SOAT1: variants seen among roughly 807,000 people sequenced by gnomAD.
SOAT1 encodes sterol O-acyltransferase 1.
A neutral mutation model predicts 69.5 loss-of-function variants in SOAT1; 55 were observed. The ratio of observed to expected loss-of-function variants is 0.79; its 90% CI spans 0.64 to 0.99. The LOEUF (loss-of-function observed/expected upper bound fraction) is 0.99. Ranked by LOEUF, SOAT1 falls within the 50% of genes least tolerant of loss-of-function variation. The pLI, the probability that SOAT1 is intolerant of heterozygous loss-of-function variation, is 0.00. For missense variants in SOAT1, 580 were observed against 669.3 expected, an observed-to-expected ratio of 0.87 and a Z score of 1.47; for synonymous variants, 231 against 224.7, an observed-to-expected ratio of 1.03 and a Z score of -0.25.
chr1:179,353,183 A>G (rs1347372269), intron 15 of SOAT1, among the ~76,000 whole-genome samples: 1 of 129,132 alleles, frequency 7.7e-6, no homozygotes, highest in Non-Finnish European at 1.6e-5. Context: ...TTAGTACCTT[A>G]AAATCTAAAT....
intron 4 of SOAT1, among the ~76,000 whole-genome samples, chr1:179,336,078 C>T (rs1297793065): frequency 4.0e-5 from 6 of 151,212 alleles, no homozygotes; most frequent in African/African-American, 9.7e-5. Flanking sequence ...GCATGAGGAT[C>T]GCTTGAACCT....
At position 179,358,486 on chromosome 1, in the gene SOAT1, A is replaced by C. The variant is rs559595909; in HGVS notation, c.*4845A>C. The C allele has an allele frequency of 6.6e-6, 1 of 152,246 alleles. No homozygotes were observed. Among genetic ancestry groups the C allele is most frequent in the South Asian group, 2.1e-4 (1 of 4,822 alleles). 9.4% of individuals were successfully genotyped at this position (152,246 alleles called of 1,614,324 possible). ...CCCCATCATTTAGAGATGCAGTTTG[A>C]ATTTCCATGGAAAAAGGTGCCAATT... On this transcript the variant is annotated 3_prime_UTR_variant, in exon 16 of 16. Transcript: ENST00000367619.
chr1:179,344,351 GGGTTTTTTTTTTT>G (rs1666447110), intron 10 of SOAT1, among the ~76,000 whole-genome samples: 1 of 4,406 alleles, frequency 2.3e-4, no homozygotes, highest in African/African-American at 1.2e-3. Flanking sequence ...TTTCATTAAG[GGGTTTTTTTTTTT>G]TTTTTTTTTT....
chr1:179,313,052 G>T lies in SOAT1; in HGVS notation c.118+10250G>T, dbSNP rs72715530. On this transcript the variant is annotated intron_variant, in intron 2 of 15. Coordinates refer to ENST00000367619, the MANE Select transcript of SOAT1 (RefSeq NM_003101.6). ...GCATGTCCTTATTTGGGAAGCAACCGGCAGTGTTCACCATGGCTGTGTTAC... is the reference window on the plus strand; with the variant it reads ...GCATGTCCTTATTTGGGAAGCAACCTGCAGTGTTCACCATGGCTGTGTTAC... 8.5e-3 allele frequency among the ~76,000 whole-genome samples: 1,300 copies of T among 152,304 alleles called. 9 individuals carry two copies. The highest frequency in any genetic ancestry group is 0.02 in the Middle Eastern group (6 of 294).
intron 3 of SOAT1, among the ~76,000 whole-genome samples, chr1:179,334,280 A>G (rs535850200): frequency 6.6e-6 from 1 of 152,178 alleles, no homozygotes; most frequent in Non-Finnish European, 1.5e-5. Flanking sequence ...TTTAGAAGTT[A>G]GAAGTTATAT....
intron 5 of SOAT1, 140 bp from the exon 6 acceptor site, chr1:179,339,298 A>T (rs1015965889): frequency 2.0e-6 from 1 of 499,830 alleles, no homozygotes; most frequent in Admixed American, 4.0e-5. Flanking sequence ...AATGTAGACC[A>T]TTCTTTTTTG....
chr1:179,343,538 C>A, intron 9 of SOAT1, 52 bp from the exon 10 acceptor site: 1 of 1,491,816 alleles, frequency 6.7e-7, no homozygotes, highest in Non-Finnish European at 9.2e-7. Context: ...GGTCTTTATT[C>A]AAGTTCAATT....
chr1:179,319,780 T>A (rs939027272), intron 2 of SOAT1, among the ~76,000 whole-genome samples: 5 of 151,920 alleles, frequency 3.3e-5, no homozygotes, highest in African/African-American at 1.2e-4. Context: ...CACGCCCAGC[T>A]AACTTTTGTA....
chr1:179,320,248 T>C (rs905922723), intron 2 of SOAT1, among the ~76,000 whole-genome samples: 1 of 152,212 alleles, frequency 6.6e-6, no homozygotes, highest in African/African-American at 2.4e-5. Flanking sequence ...TGCTTTTTCA[T>C]GTGGCTATTC....
chr1:179,313,072 T>C (rs1174217383), intron 2 of SOAT1, among the ~76,000 whole-genome samples: 1 of 152,208 alleles, frequency 6.6e-6, no homozygotes, highest in Non-Finnish European at 1.5e-5. Context: ...ACCATGGCTG[T>C]GTTACATTAT....
chr1:179,301,154 A>G (rs1045690592), intron 1 of SOAT1, among the ~76,000 whole-genome samples: 1 of 152,156 alleles, frequency 6.6e-6, no homozygotes, highest in African/African-American at 2.4e-5. Context: ...GCCAGACTCA[A>G]ACTCCTGGGT....
chr1:179,338,300 A>G (rs983201151), intron 5 of SOAT1, among the ~76,000 whole-genome samples: 18 of 152,162 alleles, frequency 1.2e-4, no homozygotes, highest in Admixed American at 6.5e-4. Flanking sequence ...AGACAGGAGG[A>G]TCGCTTGAGC....
In SOAT1 at chr1:179,342,933, A is replaced by G; in HGVS notation, c.931A>G (p.Ser311Gly). 1 of 1,612,560 alleles carries G rather than the reference A, an allele frequency of 6.2e-7. No individual in the cohort carries two copies. The highest frequency in any genetic ancestry group is 8.5e-7 in the Non-Finnish European group (1 of 1,178,616). ...TGCTCCTACCCTTATCTACCGTGAC[A>G]GCTATCCCAGGTAATGGTACTGTGA... is the stretch of plus-strand genomic sequence containing the variant. The part of the protein sequence containing the change: ...LFAPTLIYRD[S>G]YPRNPTVRWG... Residue 311 changes from serine (S) to glycine (G), a missense_variant, in exon 9 of 16, where the codon AGC becomes GGC. Ser to Gly is a moderately conservative substitution (Grantham distance 56). Coordinates refer to ENST00000367619, the MANE Select transcript of SOAT1 (RefSeq NM_003101.6).
intron 3 of SOAT1, 84 bp downstream of exon 3, chr1:179,323,579 C>G (rs1403328459): frequency 1.8e-6 from 2 of 1,094,894 alleles, no homozygotes; most frequent in African/African-American, 1.6e-5. Context: ...CTAAATTGCT[C>G]AGATAATTAT....
intron 1 of SOAT1, among the ~76,000 whole-genome samples, chr1:179,298,259 A>G (rs1297365334): frequency 1.4e-5 from 2 of 147,376 alleles, no homozygotes; most frequent in Non-Finnish European, 3.0e-5. Flanking sequence ...AATTTTTTGT[A>G]TTTTTAGTAG....
At chr1:179,324,790 C>T (rs1369797348) in intron 3 of SOAT1, among the ~76,000 whole-genome samples, 1 of 133,450 alleles carries the variant, frequency 7.5e-6, no homozygotes, top group Admixed American at 8.4e-5. Flanking sequence ...AACGTATAGA[C>T]ACATGCTAGT....
chr1:179,303,038 A>T (rs1664889335), intron 2 of SOAT1, among the ~76,000 whole-genome samples: 1 of 152,262 alleles, frequency 6.6e-6, no homozygotes, highest in Non-Finnish European at 1.5e-5. Flanking sequence ...GTAACCTACC[A>T]ATAATTGCTG....
Position 179,302,698 on chromosome 1 carries a change from A to G in SOAT1, c.14A>G (p.Glu5Gly). Reference protein sequence around the residue: MVGEEKMSLRNRLSK... With the variant: MVGEGKMSLRNRLSK... ...CTAGACAATACAATGGTGGGTGAAG[A>G]GAAGATGTCTCTAAGAAACCGGCTG... Residue 5 changes from glutamate (E) to glycine (G), a missense_variant, in exon 2 of 16, where the codon GAG (glutamate) becomes GGG (glycine). Glu to Gly is a moderately conservative substitution (Grantham distance 98). Transcript: ENST00000367619. 1.3e-6 allele frequency: 2 copies of G among 1,599,374 alleles called. No individual in the cohort carries two copies. Among genetic ancestry groups the G allele is most frequent in the Non-Finnish European group, 1.7e-6 (2 of 1,176,164 alleles).
intron 6 of SOAT1, among the ~76,000 whole-genome samples, chr1:179,340,820 G>GATAT (rs67855683): frequency 0.025 from 3,686 of 147,258 alleles, 53 homozygotes; most frequent in African/African-American, 0.039. Context: ...ATATATTGTT[G>GATAT]ATATATATAT....
Sources: gnomAD v4.1 joint callset for allele counts (sites outside exome capture counted in the v4.1 genomes callset) on GRCh38, gnomAD v4.1.1 for gene constraint, MANE v1.5 for transcripts, NCBI Gene and HGNC (gene_info 2026-07-23, HGNC 2026-07-21) for gene names.